Variants in MCEE observed in about 807,000 individuals in gnomAD.
MCEE encodes the protein methylmalonyl-CoA epimerase, mitochondrial.
Under a neutral mutation model 12.9 loss-of-function variants are expected in MCEE, and 6 were observed. The observed-to-expected ratio is 0.47, with a 90% CI of 0.26 to 0.92. The LOEUF (loss-of-function observed/expected upper bound fraction) is 0.92. Among genes scored for constraint, MCEE ranks in the 40% least tolerant of loss-of-function variants. The pLI, the probability that MCEE is intolerant of heterozygous loss-of-function variation, is 0.16. For synonymous variants in MCEE, 78 were observed against 77.9 expected (o/e 1.00, Z -0.01); for missense variants, 214 against 212.1 (o/e 1.01, Z -0.05).
chr2:71,110,599 C>T (rs184121073), intron 2 of MCEE, among the ~76,000 whole-genome samples: 2 of 152,296 alleles, frequency 1.3e-5, no homozygotes, highest in Non-Finnish European at 2.9e-5. Context: ...CCCTGATCCC[C>T]AAAACTTGCC....
intron 2 of MCEE, among the ~76,000 whole-genome samples, chr2:71,112,293 T>C (rs1438629776): frequency 6.6e-6 from 1 of 151,946 alleles, no homozygotes; most frequent in Non-Finnish European, 1.5e-5. Context: ...CACGCCACCA[T>C]GCCCAGCTAA....
intron 2 of MCEE, among the ~76,000 whole-genome samples, chr2:71,114,600 A>C (rs1672955171): frequency 6.6e-6 from 1 of 152,232 alleles, no homozygotes; most frequent in Non-Finnish European, 1.5e-5. Flanking sequence ...GAGCAAATCA[A>C]CTATAAAAAG....
intron 2 of MCEE, 29 bp from the exon 3 acceptor site, chr2:71,110,151 T>C: frequency 6.2e-7 from 1 of 1,601,164 alleles, no homozygotes; most frequent in Non-Finnish European, 8.6e-7. Context: ...ATTGAACACA[T>C]TTGAGATCAT....
chr2:71,125,211 A>ATATATATATATTTTTTTTT, intron 1 of MCEE, among the ~76,000 whole-genome samples: 1 of 48,610 alleles, frequency 2.1e-5, no homozygotes, highest in African/African-American at 6.0e-5. Context: ...ATATATATAT[A>ATATATATATATTTTTTTTT]TTTTTTTTTT....
chr2:71,123,359 C>T (rs556518240), intron 2 of MCEE, among the ~76,000 whole-genome samples: 4 of 152,074 alleles, frequency 2.6e-5, no homozygotes, highest in African/African-American at 4.8e-5. Flanking sequence ...GGCATGGTGG[C>T]GCATGCCTGT....
chr2:71,121,212 TG>T (rs1428925826), intron 2 of MCEE, among the ~76,000 whole-genome samples: 1 of 152,146 alleles, frequency 6.6e-6, no homozygotes, highest in Non-Finnish European at 1.5e-5. Context: ...TAACTAAGCT[TG>T]GGCCAATGGG....
chr2:71,130,149 A>G, intron 1 of MCEE, 31 bp downstream of exon 1: 1 of 1,603,878 alleles, frequency 6.2e-7, no homozygotes, highest in Non-Finnish European at 8.5e-7. Flanking sequence ...TCCCTGTCCC[A>G]TGGCGAAGGT....
intron 2 of MCEE, among the ~76,000 whole-genome samples, chr2:71,119,446 T>C (rs1673057107): frequency 6.6e-6 from 1 of 150,638 alleles, no homozygotes; most frequent in African/African-American, 2.5e-5. Flanking sequence ...TGAAACATTG[T>C]TATGCGGTGT....
intron 1 of MCEE, among the ~76,000 whole-genome samples, chr2:71,128,925 G>A (rs1673300759): frequency 6.6e-6 from 1 of 150,956 alleles, no homozygotes; most frequent in Non-Finnish European, 1.5e-5. Context: ...GGGAGGCAGA[G>A]GTTGCAGTGA....
chr2:71,112,005 T>C (rs1414528134), intron 2 of MCEE, among the ~76,000 whole-genome samples: 1 of 152,240 alleles, frequency 6.6e-6, no homozygotes, highest in African/African-American at 2.4e-5. Context: ...GATTTCTAAA[T>C]TGGCAGGTTT....
At chr2:71,121,750 A>AG (rs1443526094) in intron 2 of MCEE, among the ~76,000 whole-genome samples, 2 of 152,154 alleles carry the variant, frequency 1.3e-5, no homozygotes, top group Admixed American at 6.5e-5. Context: ...GGTAGGGCTT[A>AG]GACAAACACT....
chr2:71,111,285 C>G (rs964679684), intron 2 of MCEE, among the ~76,000 whole-genome samples: 1 of 152,154 alleles, frequency 6.6e-6, no homozygotes, highest in African/African-American at 2.4e-5. Context: ...ATAGAACATG[C>G]ACTAGAAGCT....
Position 71,130,128 on chromosome 2 carries a change from C to T in MCEE, c.40+52G>A, listed in dbSNP as rs1318051185. The T allele has an allele frequency of 8.9e-6, 14 of 1,581,456 alleles. No individual in the cohort carries two copies. The East Asian group carries it at 1.1e-4, about 13-fold the overall frequency. On this transcript the variant is annotated intron_variant, in intron 1 of 2. Coordinates refer to ENST00000244217, the MANE Select transcript of MCEE (RefSeq NM_032601.4). ...CGAGGCCTCCTCCGCCCCCGACCGC[C>T]GTTCCCACGCTCCCTGTCCCATGGC...
At chr2:71,119,535 T>C (rs1320129147) in intron 2 of MCEE, among the ~76,000 whole-genome samples, 2 of 150,146 alleles carry the variant, frequency 1.3e-5, no homozygotes, top group Non-Finnish European at 2.9e-5. Flanking sequence ...GCACTATTAC[T>C]TCTGTTTATC....
intron 1 of MCEE, among the ~76,000 whole-genome samples, chr2:71,128,898 A>T (rs1269283012): frequency 6.6e-6 from 1 of 151,212 alleles, no homozygotes; most frequent in Non-Finnish European, 1.5e-5. Flanking sequence ...GCTGAGGCGG[A>T]AGAATGGCTT....
chr2:71,124,156 T>G lies in MCEE; in HGVS notation c.378+50A>C, dbSNP rs556454796. ...AAATAGACTTAAAAAGTAGAAGACA[T>G]TTTTTAAAAGAGAGATTTAAAATAC... On this transcript the variant is annotated intron_variant, in intron 2 of 2. Transcript: ENST00000244217. 3 of 1,405,348 alleles carry G rather than the reference T, an allele frequency of 2.1e-6. No homozygotes were observed. The East Asian group carries it at 7.0e-5, about 33-fold the overall frequency. 87.1% of individuals were successfully genotyped at this position (1,405,348 alleles called of 1,614,324 possible).
intron 1 of MCEE, 56 bp downstream of exon 1, chr2:71,130,124 C>T (rs975487386): frequency 8.3e-6 from 13 of 1,571,060 alleles, no homozygotes; most frequent in East Asian, 4.6e-5. Context: ...CCGCCCCCGA[C>T]CGCCGTTCCC....
chr2:71,112,882 G>A (rs548385088), intron 2 of MCEE, among the ~76,000 whole-genome samples: 209 of 152,148 alleles, frequency 1.4e-3, no homozygotes, highest in African/African-American at 4.9e-3. Flanking sequence ...CCTTTTCTGG[G>A]ACTCCAACTA....
intron 2 of MCEE, among the ~76,000 whole-genome samples, chr2:71,122,290 C>T (rs1474768987): frequency 1.3e-5 from 2 of 152,156 alleles, no homozygotes; most frequent in African/African-American, 2.4e-5. Flanking sequence ...CATACCACCA[C>T]ACCTGACTAG....
Sources: gnomAD v4.1 joint callset for allele counts (sites outside exome capture counted in the v4.1 genomes callset) on GRCh38, gnomAD v4.1.1 for gene constraint, MANE v1.5 for transcripts, NCBI Gene and HGNC (gene_info 2026-07-23, HGNC 2026-07-21) for gene names.